The following COP1 variants were observed in gnomAD, a reference collection of about 807,000 sequenced individuals.
COP1 encodes the protein E3 ubiquitin-protein ligase COP1.
Under a neutral mutation model 101.3 loss-of-function variants are expected in COP1, and 24 were observed. The ratio of observed to expected loss-of-function variants is 0.24; its 90% CI spans 0.17 to 0.33. The LOEUF is 0.33. Ranked by LOEUF, COP1 falls within the 10% of genes least tolerant of loss-of-function variation. The probability of loss-of-function intolerance (pLI) is 1.00; values close to 1 mark genes in which losing one functional copy is unlikely to be tolerated. For missense variants in COP1, 663 were observed against 906.2 expected (o/e 0.73, Z 3.45); for synonymous variants, 347 against 341.9 (o/e 1.01, Z -0.17).
intron 3 of COP1, among the ~76,000 whole-genome samples, chr1:176,171,646 C>T (rs186351395): frequency 6.6e-6 from 1 of 151,884 alleles, no homozygotes; most frequent in East Asian, 1.9e-4. Context: ...AAAGTGGCAT[C>T]AAGAGACTTA....
intron 15 of COP1, among the ~76,000 whole-genome samples, chr1:176,003,731 C>T (rs1402487627): frequency 7.2e-5 from 11 of 151,762 alleles, no homozygotes; most frequent in Non-Finnish European, 1.5e-5. Flanking sequence ...GGTACCAGTA[C>T]CATGCTGTTT....
intron 1 of COP1, among the ~76,000 whole-genome samples, chr1:176,187,915 G>A (rs1241650368): frequency 1.3e-5 from 2 of 152,026 alleles, no homozygotes; most frequent in East Asian, 3.9e-4. Flanking sequence ...GTTAAAACAT[G>A]GGCCTTTGGG....
At chr1:176,160,332 G>A in intron 5 of COP1, 1 of 351,506 alleles carries the variant, frequency 2.8e-6, no homozygotes, top group South Asian at 2.2e-5. Context: ...TTGTTACCTA[G>A]GCAATATCAT....
At chr1:176,146,411 A>G (rs1169074463) in intron 6 of COP1, among the ~76,000 whole-genome samples, 2 of 152,216 alleles carry the variant, frequency 1.3e-5, no homozygotes, top group Non-Finnish European at 2.9e-5. Context: ...TGTGCTTCTA[A>G]CAAACAGAAA....
chr1:176,168,760 T>A, intron 3 of COP1: 1 of 259,292 alleles, frequency 3.9e-6, no homozygotes. Context: ...TGGAGGGAAG[T>A]AAGGGAGAAA....
intron 1 of COP1, among the ~76,000 whole-genome samples, chr1:176,196,412 A>T (rs1699702341): frequency 6.6e-6 from 1 of 152,214 alleles, no homozygotes; most frequent in South Asian, 2.1e-4. Flanking sequence ...CAATATCAGG[A>T]ATGAAAGATG....
At chr1:176,064,085 T>C (rs747281966) in intron 11 of COP1, among the ~76,000 whole-genome samples, 4 of 152,168 alleles carry the variant, frequency 2.6e-5, no homozygotes, top group Non-Finnish European at 5.9e-5. Flanking sequence ...ATAAAAACCA[T>C]CTGTACCTGA....
At chr1:176,021,724 C>T (rs1230021402) in intron 15 of COP1, among the ~76,000 whole-genome samples, 1 of 152,144 alleles carries the variant, frequency 6.6e-6, no homozygotes, top group Non-Finnish European at 1.5e-5. Context: ...ACTACTGCTG[C>T]TTTCTTTGAA....
intron 18 of COP1, among the ~76,000 whole-genome samples, chr1:175,960,294 G>GGCAA (rs1417569790): frequency 6.6e-6 from 1 of 152,054 alleles, no homozygotes; most frequent in African/African-American, 2.4e-5. Flanking sequence ...TTTCATTATG[G>GGCAA]GCAAGTTACT....
chr1:176,101,044 C>T (rs536446583), intron 9 of COP1, among the ~76,000 whole-genome samples: 39 of 152,248 alleles, frequency 2.6e-4, no homozygotes, highest in African/African-American at 7.5e-4. Context: ...ATAAAGGTCA[C>T]GCTACTATCC....
intron 11 of COP1, among the ~76,000 whole-genome samples, chr1:176,059,669 G>C (rs1674503082): frequency 6.6e-6 from 1 of 152,062 alleles, no homozygotes; most frequent in South Asian, 2.1e-4. Flanking sequence ...TTTTAGTAGA[G>C]ACGGGGTTTC....
intron 1 of COP1, among the ~76,000 whole-genome samples, chr1:176,190,097 G>A (rs1698955968): frequency 6.6e-6 from 1 of 152,000 alleles, no homozygotes; most frequent in Non-Finnish European, 1.5e-5. Flanking sequence ...ACAAAAAACT[G>A]AGTATCATTC....
At chr1:176,130,741 C>T (rs1688746462) in intron 8 of COP1, among the ~76,000 whole-genome samples, 1 of 151,390 alleles carries the variant, frequency 6.6e-6, no homozygotes, top group African/African-American at 2.4e-5. Flanking sequence ...GTATTTAAGT[C>T]CTTATTATAT....
At chr1:176,187,683 T>C (rs1375899235) in intron 1 of COP1, among the ~76,000 whole-genome samples, 2 of 152,186 alleles carry the variant, frequency 1.3e-5, no homozygotes, top group Non-Finnish European at 2.9e-5. Context: ...TCCTTATTTG[T>C]ATAACAGGGA....
At chr1:176,110,901 C>T (rs939996059) in intron 9 of COP1, among the ~76,000 whole-genome samples, 4 of 152,176 alleles carry the variant, frequency 2.6e-5, no homozygotes, top group African/African-American at 4.8e-5. Flanking sequence ...TGCCTGTAAT[C>T]CCAGCACTTT....
In COP1 at chr1:176,043,227, A is replaced by G; in HGVS notation, c.1571T>C (p.Met524Thr). The change falls in exon 14 of 20, where the codon ATG becomes ACG. Residue 524 changes from methionine (M) to threonine (T), a missense_variant. Around this residue, in one of 4 missense-constraint regions of COP1, gnomAD observed 209 missense variants for 383.3 expected, o/e 0.55. Coordinates refer to ENST00000367669, the MANE Select transcript of COP1 (RefSeq NM_022457.7). ...ACCTGAAGCCAAGAGTTTAGGATCCATCAAATTAAAGTCAACACTCCAACA... is the reference window on the plus strand; with the variant it reads ...ACCTGAAGCCAAGAGTTTAGGATCCGTCAAATTAAAGTCAACACTCCAACA... ...KRCWSVDFNL[M>T]DPKLLASGSD... 1 of 1,613,546 alleles carries G rather than the reference A, an allele frequency of 6.2e-7. No homozygotes were observed. Among genetic ancestry groups the G allele is most frequent in the Non-Finnish European group, 8.5e-7 (1 of 1,179,510 alleles).
chr1:175,959,143 T>C (rs1651026887), intron 18 of COP1, among the ~76,000 whole-genome samples: 1 of 151,918 alleles, frequency 6.6e-6, no homozygotes, highest in South Asian at 2.1e-4. Context: ...CCAGCGAATG[T>C]AAAGTTGGTT....
chr1:176,193,354 T>C (rs1699317121), intron 1 of COP1, among the ~76,000 whole-genome samples: 1 of 152,168 alleles, frequency 6.6e-6, no homozygotes, highest in South Asian at 2.1e-4. Flanking sequence ...TATGGAAAAC[T>C]GTTTGGCAGT....
intron 9 of COP1, among the ~76,000 whole-genome samples, chr1:176,093,170 T>A (rs1681648702): frequency 6.6e-6 from 1 of 152,174 alleles, no homozygotes; most frequent in Non-Finnish European, 1.5e-5. Flanking sequence ...TTGATAAACA[T>A]AAATATCAGA....
Sources: gnomAD v4.1 joint callset for allele counts (sites outside exome capture counted in the v4.1 genomes callset) on GRCh38, gnomAD v4.1.1 for gene constraint, gnomAD v4.1.1 regional missense constraint, MANE v1.5 for transcripts, NCBI Gene and HGNC (gene_info 2026-07-23, HGNC 2026-07-21) for gene names.